PTPRN2: variants seen among roughly 807,000 people sequenced by gnomAD.
PTPRN2 encodes protein tyrosine phosphatase receptor type N2.
Under a neutral mutation model 118.8 loss-of-function variants are expected in PTPRN2, and 74 were observed. The ratio of observed to expected loss-of-function variants is 0.62; its 90% CI spans 0.52 to 0.76. The LOEUF is 0.76. Among genes scored for constraint, PTPRN2 ranks in the 30% least tolerant of loss-of-function variants. The pLI is 0.00. For synonymous variants in PTPRN2, 641 were observed against 608.0 expected, an observed-to-expected ratio of 1.05 and a Z score of -0.80; for missense variants, 1,481 against 1,394.4, an observed-to-expected ratio of 1.06 and a Z score of -0.99.
intron 12 of PTPRN2, among the ~76,000 whole-genome samples, chr7:157,804,917 C>T (rs902626533): frequency 2.6e-5 from 4 of 152,214 alleles, no homozygotes; most frequent in African/African-American, 7.2e-5. Flanking sequence ...CAACAAGCAT[C>T]CCACATTGGT....
chr7:157,954,738 G>A (rs1375360207), intron 11 of PTPRN2, among the ~76,000 whole-genome samples: 1 of 152,172 alleles, frequency 6.6e-6, no homozygotes, highest in Non-Finnish European at 1.5e-5. Context: ...TTTCAGGGGT[G>A]GAAGTGGGGG....
At chr7:158,298,965 C>G (rs1800683343) in intron 3 of PTPRN2, among the ~76,000 whole-genome samples, 1 of 152,150 alleles carries the variant, frequency 6.6e-6, no homozygotes, top group African/African-American at 2.4e-5. Flanking sequence ...GCCGATTGTC[C>G]TGGGAGGGGC....
At position 157,924,132 on chromosome 7, in the gene PTPRN2, G is replaced by A. The variant is rs529937401; in HGVS notation, c.1724-25395C>T. 2.6e-5 allele frequency among the ~76,000 whole-genome samples: 4 copies of A among 152,276 alleles called. No individual in the cohort carries two copies. In the South Asian group the frequency reaches 8.3e-4, roughly 32 times the overall value. On this transcript the variant is annotated intron_variant, in intron 11 of 22. Coordinates refer to ENST00000389418, the MANE Select transcript of PTPRN2 (RefSeq NM_002847.5). The stretch of plus-strand genomic sequence containing the variant: ...GGTCCTGAGTGTTTCAGAAGGCAGG[G>A]TGGGGCCATCACATCCATGGCCTCT...
At chr7:158,200,664 A>T (rs1266085911) in intron 4 of PTPRN2, among the ~76,000 whole-genome samples, 1 of 152,242 alleles carries the variant, frequency 6.6e-6, no homozygotes, top group Non-Finnish European at 1.5e-5. Flanking sequence ...TAGGCCAAAG[A>T]AAACCTCAAA....
At position 157,729,068 on chromosome 7, in the gene PTPRN2, G is replaced by A. The variant is rs181119307; in HGVS notation, c.1789-46131C>T. Among the ~76,000 whole-genome samples the A allele has an allele frequency of 2.7e-3, 406 of 152,240 alleles. 5 individuals are homozygous for A. The highest frequency in any genetic ancestry group is 9.4e-3 in the African/African-American group (390 of 41,538). On this transcript the variant is annotated intron_variant, in intron 12 of 22. Transcript: ENST00000389418. This position sits in a 1 kb window ranked among gnomAD's most constrained non-coding sequence, Gnocchi z 4.3. The stretch of plus-strand genomic sequence containing the variant: ...GACAATGGGAATCTGGGCTGATACC[G>A]GGCCTTTGAAAATAGTCGGGGAGGA...
intron 11 of PTPRN2, among the ~76,000 whole-genome samples, chr7:157,907,765 G>C (rs1378449277): frequency 6.6e-6 from 1 of 152,002 alleles, no homozygotes; most frequent in African/African-American, 2.4e-5. Flanking sequence ...TGGGCCTCAG[G>C]CTTCTCTTTT....
At chr7:157,663,763 C>T (rs1669151242) in intron 13 of PTPRN2, among the ~76,000 whole-genome samples, 2 of 152,362 alleles carry the variant, frequency 1.3e-5, no homozygotes, top group South Asian at 2.1e-4. Context: ...CTCATGTGGT[C>T]TCATTCACTG....
intron 11 of PTPRN2, among the ~76,000 whole-genome samples, chr7:158,002,344 C>T (rs1805326457): frequency 1.3e-5 from 2 of 152,128 alleles, no homozygotes; most frequent in African/African-American, 4.8e-5. Context: ...GGGAGAAGGT[C>T]ATATGAAAAA....
In PTPRN2 at chr7:157,861,830, C is replaced by T. The variant is rs758839220; in HGVS notation, c.1788+36843G>A. On this transcript the variant is annotated intron_variant, in intron 12 of 22. Coordinates refer to ENST00000389418, the MANE Select transcript of PTPRN2 (RefSeq NM_002847.5). This position sits in a 1 kb window ranked among gnomAD's most constrained non-coding sequence, Gnocchi z 5.8. The stretch of plus-strand genomic sequence containing the variant: ...GCATGCCGGAGTCTGTCCTCTCCGT[C>T]GCAGGGACACGGATGCTTCGAGGAC... Among the ~76,000 whole-genome samples the T allele has an allele frequency of 1.3e-5, 2 of 152,240 alleles. No individual in the cohort carries two copies. The highest frequency in any genetic ancestry group is 2.9e-5 in the Non-Finnish European group (2 of 68,048).
At position 157,596,046 on chromosome 7, in the gene PTPRN2, A is replaced by G. The variant is rs1801318692; in HGVS notation, c.2419-731T>C. Reference sequence around the variant, plus strand: ...AGCCCACCCAGGCTGCCCTGTGTTCAGGAGAACGAGCCTCTTGCTAGAGCC... The same window carrying G: ...AGCCCACCCAGGCTGCCCTGTGTTCGGGAGAACGAGCCTCTTGCTAGAGCC... On this transcript the variant is annotated intron_variant, in intron 16 of 22. Transcript: ENST00000389418. This position sits in a 1 kb window ranked among gnomAD's most constrained non-coding sequence, Gnocchi z 4.2. Among the ~76,000 whole-genome samples the G allele has an allele frequency of 6.6e-6, 1 of 152,204 alleles. No individual in the cohort carries two copies. Among genetic ancestry groups the G allele is most frequent in the African/African-American group, 2.4e-5 (1 of 41,456 alleles).
intron 12 of PTPRN2, among the ~76,000 whole-genome samples, chr7:157,834,911 T>C (rs563117230): frequency 1.3e-5 from 2 of 152,328 alleles, no homozygotes; most frequent in East Asian, 3.9e-4. Context: ...GCTGTGAACA[T>C]TGACCTGTCC....
chr7:158,271,697 C>T (rs1798524736), intron 3 of PTPRN2, among the ~76,000 whole-genome samples: 1 of 152,212 alleles, frequency 6.6e-6, no homozygotes, highest in African/African-American at 2.4e-5. Context: ...AGGTTTCTTT[C>T]TCACAGTTCT....
In PTPRN2 at chr7:158,056,020, G is replaced by A. The variant is rs376694287; in HGVS notation, c.1723+25278C>T. On this transcript the variant is annotated intron_variant, in intron 11 of 22. Coordinates refer to ENST00000389418, the MANE Select transcript of PTPRN2 (RefSeq NM_002847.5). ...ACCCCACTGCCTGTGGGTGGAGTCC[G>A]GGCCGAGGCCCCTTCCTCTCTGTCT... Among the ~76,000 whole-genome samples the A allele has an allele frequency of 2.8e-3, 428 of 152,292 alleles. 2 individuals are homozygous for A. The highest frequency in any genetic ancestry group is 9.8e-3 in the African/African-American group (409 of 41,556).
intron 11 of PTPRN2, among the ~76,000 whole-genome samples, chr7:157,916,446 G>A (rs1014211591): frequency 3.9e-5 from 6 of 152,234 alleles, no homozygotes; most frequent in African/African-American, 7.2e-5. Flanking sequence ...CTGTGAAGGG[G>A]TGCATGTTTT....
chr7:158,335,299 AGGC>A (rs1805349845), intron 2 of PTPRN2, among the ~76,000 whole-genome samples: 2 of 13,624 alleles, frequency 1.5e-4, no homozygotes, highest in Non-Finnish European at 5.0e-4. Context: ...ATAAGAGCTG[AGGC>A]CCACAGAGGA....
intron 1 of PTPRN2, among the ~76,000 whole-genome samples, chr7:158,510,079 G>T (rs930387522): frequency 6.6e-6 from 1 of 152,234 alleles, no homozygotes; most frequent in Non-Finnish European, 1.5e-5. Context: ...TCTTGGATCA[G>T]TGGAGACACC....
intron 16 of PTPRN2, among the ~76,000 whole-genome samples, chr7:157,601,458 AG>A (rs747902924): frequency 2.6e-5 from 4 of 152,130 alleles, no homozygotes; most frequent in Non-Finnish European, 5.9e-5. Context: ...GAAAAAAAAA[AG>A]AATTGTGGTA....
At chr7:157,599,608 A>G (rs1310901967) in intron 16 of PTPRN2, among the ~76,000 whole-genome samples, 1 of 152,222 alleles carries the variant, frequency 6.6e-6, no homozygotes, top group Non-Finnish European at 1.5e-5. Context: ...GGACCACTGG[A>G]CTGTGTCCTG....
In PTPRN2 at chr7:157,725,296, T is replaced by C. The variant is rs1307784934; in HGVS notation, c.1789-42359A>G. Among the ~76,000 whole-genome samples, 322 of 104,954 alleles carry C rather than the reference T, an allele frequency of 3.1e-3. 5 individuals are homozygous for C. The highest frequency in any genetic ancestry group is 0.012 in the African/African-American group (252 of 20,260). 68.9% of individuals were successfully genotyped at this position (104,954 alleles called of 152,430 possible). A position where few individuals can be genotyped will look rare whatever the true frequency, so the allele number is the denominator to read the frequency against. On this transcript the variant is annotated intron_variant, in intron 12 of 22. Transcript: ENST00000389418. ...TGGCCTCCCAGGAGAACTGGATACC[T>C]ACACCCAGAGGAGTGTGGCCAGACC...
Sources: gnomAD v4.1 joint callset for allele counts (sites outside exome capture counted in the v4.1 genomes callset) on GRCh38, gnomAD v4.1.1 for gene constraint, Gnocchi (gnomAD v3.1) non-coding constraint, MANE v1.5 for transcripts, NCBI Gene and HGNC (gene_info 2026-07-23, HGNC 2026-07-21) for gene names.